WDSUB1: variants seen among roughly 807,000 people sequenced by gnomAD.
The protein encoded by WDSUB1 is WD repeat, sterile alpha motif and U-box domain containing 1, also known as WD repeat, SAM and U-box domain-containing protein 1.
Under a neutral mutation model 53.9 loss-of-function variants are expected in WDSUB1, and 49 were observed. The ratio of observed to expected loss-of-function variants is 0.91; its 90% CI spans 0.72 to 1.15. The LOEUF is 1.15. Among genes scored for constraint, WDSUB1 ranks in the 50% most tolerant of loss-of-function variants. The probability of loss-of-function intolerance (pLI) is 0.00; values close to 1 mark genes in which losing one functional copy is unlikely to be tolerated. For synonymous variants in WDSUB1, 194 were observed against 200.6 expected, an observed-to-expected ratio of 0.97 and a Z score of 0.28; for missense variants, 514 against 562.0, an observed-to-expected ratio of 0.91 and a Z score of 0.86.
chr2:159,282,507 T>G (rs1558883475), intron 2 of WDSUB1, among the ~76,000 whole-genome samples, 165 bp downstream of exon 2: 1 of 152,228 alleles, frequency 6.6e-6, no homozygotes. Flanking sequence ...AAAATATTTT[T>G]CCTTGTGCTA....
At chr2:159,250,226 C>G (rs911733037) in intron 9 of WDSUB1, among the ~76,000 whole-genome samples, 7 of 152,156 alleles carry the variant, frequency 4.6e-5, no homozygotes, top group African/African-American at 9.7e-5. Context: ...GCAAGTTACC[C>G]TAGCAGCTTC....
At chr2:159,271,836 G>T in intron 4 of WDSUB1, 41 bp from the exon 5 acceptor site, 1 of 1,510,776 alleles carries the variant, frequency 6.6e-7, no homozygotes, top group Non-Finnish European at 9.1e-7. Flanking sequence ...AGCTGACCAT[G>T]CTTAGAATTG....
At chr2:159,264,107 A>G (rs6743012) in intron 5 of WDSUB1, among the ~76,000 whole-genome samples, 7,749 of 152,264 alleles carry the variant, frequency 0.051, 364 homozygotes, top group African/African-American at 0.11. Flanking sequence ...GCTTGCTAAA[A>G]TATCTTCCCC....
intron 8 of WDSUB1, among the ~76,000 whole-genome samples, chr2:159,256,729 A>G (rs2061071687): frequency 6.6e-6 from 1 of 152,240 alleles, no homozygotes; most frequent in South Asian, 2.1e-4. Flanking sequence ...CATCATCTGC[A>G]TATCAGCACC....
At chr2:159,283,619 GTT>G (rs2061724836) in intron 1 of WDSUB1, among the ~76,000 whole-genome samples, 1 of 58,932 alleles carries the variant, frequency 1.7e-5, no homozygotes, top group South Asian at 3.3e-4. Context: ...TATCTTAGCT[GTT>G]CCCTTCACAG....
At chr2:159,236,980 T>C (rs879575474) in intron 10 of WDSUB1, among the ~76,000 whole-genome samples, 9 of 152,214 alleles carry the variant, frequency 5.9e-5, no homozygotes, top group Non-Finnish European at 1.0e-4. Context: ...CATGTAAAGA[T>C]TGGACTTTTG....
intron 2 of WDSUB1, among the ~76,000 whole-genome samples, chr2:159,281,693 C>T (rs111328950): frequency 0.013 from 1,912 of 151,786 alleles, 45 homozygotes; most frequent in African/African-American, 0.044. Flanking sequence ...TACTATGGGC[C>T]GGGCGCAGTG....
chr2:159,248,259 A>C (rs2060864714), intron 10 of WDSUB1, 113 bp downstream of exon 10: 2 of 1,289,306 alleles, frequency 1.6e-6, no homozygotes, highest in African/African-American at 3.1e-5. Context: ...AATTAGTTTA[A>C]GAAAAAACTA....
Position 159,282,725 on chromosome 2 carries a change from C to T in WDSUB1, c.345G>A (p.Gly115=). 6.2e-7 allele frequency: 1 copy of T among 1,614,006 alleles called. No homozygotes were observed. Among genetic ancestry groups the T allele is most frequent in the Non-Finnish European group, 8.5e-7 (1 of 1,179,956 alleles). The part of the protein sequence containing the change: ...FSPDSTCLAS[G]AADGTVVLWN... The stretch of plus-strand genomic sequence containing the variant: ...ACAAAACCACAGTTCCATCAGCTGC[C>T]CCTGATGCCAAACACGTGGAGTCTG... Residue 115 remains glycine (G), a synonymous_variant, in exon 2 of 11, where the codon GGG becomes GGA. Coordinates refer to ENST00000359774, the MANE Select transcript of WDSUB1 (RefSeq NM_001128212.3).
At chr2:159,240,509 C>T (rs1465840412) in intron 10 of WDSUB1, among the ~76,000 whole-genome samples, 1 of 152,154 alleles carries the variant, frequency 6.6e-6, no homozygotes, top group Non-Finnish European at 1.5e-5. Flanking sequence ...TGATTCTAGC[C>T]ATCTTAACAG....
intron 4 of WDSUB1, 137 bp from the exon 5 acceptor site, chr2:159,271,932 C>G: frequency 1.5e-6 from 1 of 670,134 alleles, no homozygotes; most frequent in Non-Finnish European, 2.6e-6. Context: ...AATCCTCATG[C>G]AGCTCAGATA....
chr2:159,251,682 C>T (rs902835105), intron 9 of WDSUB1, among the ~76,000 whole-genome samples: 1 of 152,138 alleles, frequency 6.6e-6, no homozygotes, highest in East Asian at 1.9e-4. Flanking sequence ...TGACTATAAT[C>T]CTGAAAAGAC....
chr2:159,273,301 TCAATA>T (rs2061478172), intron 4 of WDSUB1, among the ~76,000 whole-genome samples: 1 of 151,998 alleles, frequency 6.6e-6, no homozygotes, highest in African/African-American at 2.4e-5. Context: ...CTATAAAACT[TCAATA>T]CAACAATAAT....
intron 10 of WDSUB1, among the ~76,000 whole-genome samples, chr2:159,237,246 G>A (rs957378742): frequency 6.6e-6 from 1 of 152,130 alleles, no homozygotes. Context: ...TAGGCTGGGC[G>A]TGGTGGCTTT....
At position 159,282,790 on chromosome 2, in the gene WDSUB1, G is replaced by A; in HGVS notation, c.280C>T (p.Gln94Ter). The A allele has an allele frequency of 6.2e-7, 1 of 1,614,210 alleles. No homozygotes were observed. The highest frequency in any genetic ancestry group is 1.1e-5 in the South Asian group (1 of 91,086). The part of the protein sequence containing the change: ...ENGQMLAVME[Q>*]PSGSPVRVCQ... ...ACCCTCACAGGGCTGCCACTAGGCT[G>A]TTCCATCACTGCCAGCATCTGTCCA... Residue 94 changes from glutamine to a stop codon, truncating the protein, a stop_gained, in exon 2 of 11, where the codon CAG becomes TAG. Transcript: ENST00000359774. LOFTEE classifies it high-confidence loss of function.
At chr2:159,282,364 T>C (rs2061684128) in intron 2 of WDSUB1, among the ~76,000 whole-genome samples, 1 of 152,072 alleles carries the variant, frequency 6.6e-6, no homozygotes, top group East Asian at 1.9e-4. Context: ...GGCTAATTTT[T>C]TGTATTTTTA....
intron 5 of WDSUB1, among the ~76,000 whole-genome samples, chr2:159,269,415 C>G (rs1305817485): frequency 2.0e-5 from 3 of 152,124 alleles, no homozygotes; most frequent in African/African-American, 4.8e-5. Flanking sequence ...AAGTGATAGG[C>G]CTGCCTCTGC....
intron 3 of WDSUB1, among the ~76,000 whole-genome samples, chr2:159,277,547 A>C (rs2061569607): frequency 1.3e-5 from 2 of 152,228 alleles, no homozygotes; most frequent in South Asian, 4.1e-4. Context: ...CAGGAAAAAT[A>C]TTTAAATTAT....
Position 159,274,402 on chromosome 2 carries a change from A to C in WDSUB1, c.676+1144T>G, listed in dbSNP as rs895753177. Among the ~76,000 whole-genome samples the C allele has an allele frequency of 5.3e-5, 8 of 152,268 alleles. No homozygotes were observed. The South Asian group carries it at 1.2e-3, about 24-fold the overall frequency. On this transcript the variant is annotated intron_variant, in intron 4 of 10. Coordinates refer to ENST00000359774, the MANE Select transcript of WDSUB1 (RefSeq NM_001128212.3). Reference sequence around the variant, plus strand: ...GAGGAGATGGAGAGGGTAGGAAGAAAATACCTCAAGGTTCCAGAATATCAA... The same window carrying C: ...GAGGAGATGGAGAGGGTAGGAAGAACATACCTCAAGGTTCCAGAATATCAA...
Sources: gnomAD v4.1 joint callset for allele counts (sites outside exome capture counted in the v4.1 genomes callset) on GRCh38, gnomAD v4.1.1 for gene constraint, MANE v1.5 for transcripts, NCBI Gene and HGNC (gene_info 2026-07-23, HGNC 2026-07-21) for gene names.